Variants in CDH20 observed in about 807,000 individuals in gnomAD.
The protein encoded by CDH20 is cadherin-20.
A neutral mutation model predicts 74.2 loss-of-function variants in CDH20; 29 were observed. The ratio of observed to expected loss-of-function variants is 0.39; its 90% CI spans 0.29 to 0.53. CDH20 has a LOEUF of 0.53. Ranked by LOEUF, CDH20 falls within the 20% of genes least tolerant of loss-of-function variation. The probability of loss-of-function intolerance (pLI) is 0.69; values close to 1 mark genes in which losing one functional copy is unlikely to be tolerated. For missense variants in CDH20, 988 were observed against 1,048.3 expected, an observed-to-expected ratio of 0.94 and a Z score of 0.79; for synonymous variants, 469 against 405.4, an observed-to-expected ratio of 1.16 and a Z score of -1.88.
At chr18:61,547,838 T>C (rs1461256887) in intron 10 of CDH20, among the ~76,000 whole-genome samples, 1 of 152,110 alleles carries the variant, frequency 6.6e-6, no homozygotes. Flanking sequence ...GGCTACTATA[T>C]GCCAGGCCCC....
chr18:61,479,616 A>G (rs375446879), intron 1 of CDH20, among the ~76,000 whole-genome samples: 2 of 152,120 alleles, frequency 1.3e-5, no homozygotes, highest in South Asian at 2.1e-4. Context: ...TTGGTTAACA[A>G]TTGCCTAGGG....
Position 61,555,173 on chromosome 18 carries a change from A to G in CDH20, c.*478A>G. On this transcript the variant is annotated 3_prime_UTR_variant, in exon 12 of 12. Transcript: ENST00000262717. ...AGAAACCAACCCACAAGAAAGAACA[A>G]AAAACTTGTTACTCAGTGAAATTAA... The G allele has an allele frequency of 2.0e-6, 2 of 989,974 alleles. No individual in the cohort carries two copies. Among genetic ancestry groups the G allele is most frequent in the Non-Finnish European group, 2.4e-6 (2 of 832,924 alleles). 61.3% of individuals were successfully genotyped at this position (989,974 alleles called of 1,614,324 possible).
chr18:61,489,718 T>C (rs960709038), intron 1 of CDH20, among the ~76,000 whole-genome samples: 1 of 152,026 alleles, frequency 6.6e-6, no homozygotes, highest in Non-Finnish European at 1.5e-5. Flanking sequence ...TTGTGAAGGA[T>C]ATAATGATCA....
At chr18:61,529,291 T>C (rs1465013191) in intron 7 of CDH20, among the ~76,000 whole-genome samples, 2 of 152,226 alleles carry the variant, frequency 1.3e-5, no homozygotes, top group Non-Finnish European at 2.9e-5. Context: ...CAAATGCCTT[T>C]TCCGTCAGCT....
intron 6 of CDH20, among the ~76,000 whole-genome samples, chr18:61,526,796 G>A (rs76135235): frequency 0.022 from 3,307 of 152,272 alleles, 114 homozygotes; most frequent in African/African-American, 0.074. Flanking sequence ...AAGTCCTTGT[G>A]GAAGAGCTGT....
intron 1 of CDH20, among the ~76,000 whole-genome samples, chr18:61,394,371 A>T (rs972042227): frequency 3.3e-5 from 5 of 152,338 alleles, no homozygotes; most frequent in African/African-American, 1.2e-4. Flanking sequence ...AGATGAGGTC[A>T]TTAGGGTGGG....
At chr18:61,450,825 A>G (rs1909361687) in intron 1 of CDH20, among the ~76,000 whole-genome samples, 1 of 152,066 alleles carries the variant, frequency 6.6e-6, no homozygotes, top group Non-Finnish European at 1.5e-5. Flanking sequence ...TTTAATGTTC[A>G]CTTTGTATTC....
intron 1 of CDH20, among the ~76,000 whole-genome samples, chr18:61,437,498 TA>T (rs1908877849): frequency 6.6e-6 from 1 of 152,174 alleles, no homozygotes; most frequent in African/African-American, 2.4e-5. Flanking sequence ...ATAGGCACCC[TA>T]AAACACTTTC....
chr18:61,480,960 G>A lies in CDH20; in HGVS notation c.-152-9442G>A, dbSNP rs544365657. ...TTAATATGTTCACTAATTGTTGCAG[G>A]TGTGAACAGACATTAAAATCAGTAT... On this transcript the variant is annotated intron_variant, in intron 1 of 11. Coordinates refer to ENST00000262717, the MANE Select transcript of CDH20 (RefSeq NM_031891.4). 1.5e-3 allele frequency among the ~76,000 whole-genome samples: 221 copies of A among 152,268 alleles called. 1 individual carries two copies. Among genetic ancestry groups the A allele is most frequent in the Non-Finnish European group, 8.2e-4 (56 of 68,002 alleles).
chr18:61,533,321 A>T (rs1199888196), intron 7 of CDH20, among the ~76,000 whole-genome samples: 1 of 152,102 alleles, frequency 6.6e-6, no homozygotes, highest in African/African-American at 2.4e-5. Flanking sequence ...AAAGAAAGAA[A>T]AAAAAGTGAC....
chr18:61,386,597 T>C (rs898824078), intron 1 of CDH20, among the ~76,000 whole-genome samples: 2 of 152,220 alleles, frequency 1.3e-5, no homozygotes, highest in Non-Finnish European at 1.5e-5. Context: ...TAATTAAAAT[T>C]TGGATGATAA....
intron 1 of CDH20, among the ~76,000 whole-genome samples, chr18:61,433,419 A>G (rs1475280107): frequency 6.6e-6 from 1 of 152,192 alleles, no homozygotes; most frequent in Non-Finnish European, 1.5e-5. Flanking sequence ...GAAGACAAAT[A>G]TATGTTAAAA....
chr18:61,489,394 C>G (rs112371615), intron 1 of CDH20, among the ~76,000 whole-genome samples: 4 of 152,000 alleles, frequency 2.6e-5, no homozygotes, highest in South Asian at 2.1e-4. Flanking sequence ...AGCAGTTCTT[C>G]GAATTAACAG....
intron 6 of CDH20, among the ~76,000 whole-genome samples, chr18:61,520,782 C>G (rs931545476): frequency 2.0e-5 from 3 of 151,238 alleles, no homozygotes; most frequent in Non-Finnish European, 4.4e-5. Context: ...GATTTAAAAA[C>G]TCACTCAAAA....
intron 1 of CDH20, among the ~76,000 whole-genome samples, chr18:61,422,660 C>G (rs1599074222): frequency 6.6e-6 from 1 of 151,952 alleles, no homozygotes; most frequent in African/African-American, 2.4e-5. Context: ...GATTATCATA[C>G]TGTGAGCTTT....
At chr18:61,453,626 G>C (rs1014986311) in intron 1 of CDH20, among the ~76,000 whole-genome samples, 1 of 152,256 alleles carries the variant, frequency 6.6e-6, no homozygotes, top group Admixed American at 6.5e-5. Flanking sequence ...TTTATCCAAG[G>C]CATTGCGTGT....
chr18:61,475,794 G>A (rs77938799), intron 1 of CDH20, among the ~76,000 whole-genome samples: 1,916 of 152,280 alleles, frequency 0.013, 44 homozygotes, highest in African/African-American at 0.044. Context: ...GACATAATCC[G>A]AAGTTTTGTA....
rs570117031 is a variant in CDH20 at position 61,468,440 on chromosome 18, G to C, written c.-152-21962G>C. ...GATGTGTAGGTGTGTGAGTGTGTGT[G>C]TTTGGGGAGGGGAAGGACATACTGC... On this transcript the variant is annotated intron_variant, in intron 1 of 11. Coordinates refer to ENST00000262717, the MANE Select transcript of CDH20 (RefSeq NM_031891.4). Among the ~76,000 whole-genome samples the C allele has an allele frequency of 2.0e-5, 3 of 152,272 alleles. No individual in the cohort carries two copies. In the East Asian group the frequency reaches 5.8e-4, roughly 29 times the overall value.
intron 1 of CDH20, among the ~76,000 whole-genome samples, chr18:61,474,161 C>T (rs555659895): frequency 3.3e-5 from 5 of 152,220 alleles, no homozygotes; most frequent in East Asian, 1.9e-4. Flanking sequence ...CACTCTCTAC[C>T]GAAAGAAGGG....
Sources: gnomAD v4.1 joint callset for allele counts (sites outside exome capture counted in the v4.1 genomes callset) on GRCh38, gnomAD v4.1.1 for gene constraint, MANE v1.5 for transcripts, NCBI Gene and HGNC (gene_info 2026-07-23, HGNC 2026-07-21) for gene names.